The following ARHGEF10 variants were observed in gnomAD, a reference collection of about 807,000 sequenced individuals.
ARHGEF10 encodes the protein Rho guanine nucleotide exchange factor (GEF) 10.
In ARHGEF10, 140 loss-of-function variants were observed where a neutral mutation model predicts 147.4. That is an observed-to-expected ratio of 0.95 (90% CI 0.83 to 1.09). The LOEUF (loss-of-function observed/expected upper bound fraction) is 1.09, where lower values mean the gene tolerates loss of function less well. ARHGEF10 is among the 50% of genes least tolerant of loss of function. The probability of loss-of-function intolerance (pLI) is 0.00; values close to 1 mark genes in which losing one functional copy is unlikely to be tolerated. For missense variants in ARHGEF10, 2,222 were observed against 1,752.7 expected (o/e 1.27, Z -4.78); for synonymous variants, 902 against 695.8 (o/e 1.30, Z -4.67).
chr8:1,923,598 T>C lies in ARHGEF10; in HGVS notation c.2387+3T>C, dbSNP rs371243281. On this transcript the variant is annotated splice_donor_region_variant and intron_variant, in intron 20 of 28. Coordinates refer to ENST00000349830, the MANE Select transcript of ARHGEF10 (RefSeq NM_014629.4). The stretch of plus-strand genomic sequence containing the variant: ...CAGCTTCCCGGGAAGCAGGACAAGT[T>C]AGTAGTAGCTTTAAAACGAAACCTT... 1.1e-5 allele frequency: 17 copies of C among 1,613,954 alleles called. No homozygotes were observed. The highest frequency in any genetic ancestry group is 1.4e-5 in the Non-Finnish European group (16 of 1,180,040).
At chr8:1,951,135 T>C (rs545411237) in intron 27 of ARHGEF10, among the ~76,000 whole-genome samples, 1 of 152,346 alleles carries the variant, frequency 6.6e-6, no homozygotes, top group South Asian at 2.1e-4. Context: ...AAGACAATCA[T>C]GTTTCATGCT....
At chr8:1,896,291 T>C (rs1455181112) in intron 13 of ARHGEF10, 42 bp from the exon 14 acceptor site, 3 of 1,378,734 alleles carry the variant, frequency 2.2e-6, no homozygotes, top group Non-Finnish European at 3.1e-6. Context: ...AAGGGATATC[T>C]GGACTCTGTG....
intron 18 of ARHGEF10, among the ~76,000 whole-genome samples, chr8:1,919,240 T>A (rs1299795799): frequency 7.0e-6 from 1 of 141,890 alleles, no homozygotes; most frequent in East Asian, 2.1e-4. Context: ...AGCTGTTCTG[T>A]CGAGTGATGG....
At chr8:1,939,010 G>A (rs2129253332) in intron 26 of ARHGEF10, among the ~76,000 whole-genome samples, 1 of 139,764 alleles carries the variant, frequency 7.2e-6, no homozygotes, top group Admixed American at 7.7e-5. Context: ...TTGAATACCA[G>A]TCCCCAGAAA....
chr8:1,925,786 G>A (rs1012071005), intron 22 of ARHGEF10, among the ~76,000 whole-genome samples: 15 of 152,178 alleles, frequency 9.9e-5, no homozygotes, highest in African/African-American at 2.2e-4. Context: ...TTGAGGTACC[G>A]TGCCCGCTCT....
rs1810848542 is a variant in ARHGEF10 at position 1,905,840 on chromosome 8, G to A, written c.1967+124G>A. On this transcript the variant is annotated intron_variant, in intron 17 of 28. Coordinates refer to ENST00000349830, the MANE Select transcript of ARHGEF10 (RefSeq NM_014629.4). ...AACTGGTTTTTTGTGCCAAAGCTCTGTCCTGTGACTAAGGGAACCCTTATA... is the reference window on the plus strand; with the variant it reads ...AACTGGTTTTTTGTGCCAAAGCTCTATCCTGTGACTAAGGGAACCCTTATA... 3 of 1,235,818 alleles carry A rather than the reference G, an allele frequency of 2.4e-6. No individual in the cohort carries two copies. The South Asian group carries it at 3.7e-5, about 15-fold the overall frequency. 76.6% of individuals were successfully genotyped at this position (1,235,818 alleles called of 1,614,324 possible).
chr8:1,867,003 C>T lies in ARHGEF10; in HGVS notation c.622+401C>T, dbSNP rs373690130. On this transcript the variant is annotated intron_variant, in intron 6 of 28. Coordinates refer to ENST00000349830, the MANE Select transcript of ARHGEF10 (RefSeq NM_014629.4). ...TCTGGCACCCGTTTTGAAGAGGGGG[C>T]GGGTGGGCCTCCCTTTTTTTTTTTT... 1.7e-3 allele frequency among the ~76,000 whole-genome samples: 253 copies of T among 147,510 alleles called. 2 individuals are homozygous for T. The highest frequency in any genetic ancestry group is 5.7e-3 in the African/African-American group (233 of 40,572).
At position 1,957,127 on chromosome 8, in the gene ARHGEF10, A is replaced by G; in HGVS notation, c.3899A>G (p.Lys1300Arg). ...AGAAGCAAAGCACGCCGGGCCAAGA[A>G]AGCCAAGGCCAGCTCGGCGCTGGTG... ...SLRSKARRAK[K>R]AKASSALVVC... Residue 1300 changes from lysine (K) to arginine (R), a missense_variant, in exon 29 of 29, where the codon AAA (lysine) becomes AGA (arginine). Coordinates refer to ENST00000349830, the MANE Select transcript of ARHGEF10 (RefSeq NM_014629.4). 1 of 1,613,064 alleles carries G rather than the reference A, an allele frequency of 6.2e-7. No homozygotes were observed. The highest frequency in any genetic ancestry group is 8.5e-7 in the Non-Finnish European group (1 of 1,180,032).
intron 2 of ARHGEF10, among the ~76,000 whole-genome samples, chr8:1,845,627 A>G (rs1471524429): frequency 6.6e-6 from 1 of 152,164 alleles, no homozygotes; most frequent in African/African-American, 2.4e-5. Context: ...AGAAGGCGGA[A>G]ACACCGTTTT....
chr8:1,839,474 T>C (rs986940466), intron 1 of ARHGEF10, among the ~76,000 whole-genome samples: 4 of 143,018 alleles, frequency 2.8e-5, no homozygotes, highest in Admixed American at 6.9e-5. Flanking sequence ...GTGGGGACTG[T>C]CTGGTGTGGA....
chr8:1,920,176 C>T (rs557343858), intron 18 of ARHGEF10, among the ~76,000 whole-genome samples: 27 of 151,978 alleles, frequency 1.8e-4, no homozygotes, highest in Admixed American at 5.9e-4. Context: ...GAGATGTTCA[C>T]GTGCATTTAT....
At chr8:1,869,763 G>C in intron 7 of ARHGEF10, 1 of 209,726 alleles carries the variant, frequency 4.8e-6, no homozygotes, top group South Asian at 7.2e-5. Flanking sequence ...AATCTCCCGA[G>C]AGCAACTGGA....
chr8:1,824,600 C>T, intron 1 of ARHGEF10, among the ~76,000 whole-genome samples: 1 of 136,570 alleles, frequency 7.3e-6, no homozygotes, highest in Admixed American at 7.4e-5. Flanking sequence ...CCCCGCCTGT[C>T]CCTCAGCACC....
At chr8:1,838,818 C>T (rs754284240) in intron 1 of ARHGEF10, among the ~76,000 whole-genome samples, 1 of 150,720 alleles carries the variant, frequency 6.6e-6, no homozygotes, top group East Asian at 2.0e-4. Context: ...GCGTGGATGC[C>T]GTCCAGTGTG....
intron 18 of ARHGEF10, among the ~76,000 whole-genome samples, chr8:1,921,976 G>T (rs996686099): frequency 6.6e-6 from 1 of 152,072 alleles, no homozygotes; most frequent in Admixed American, 6.6e-5. Context: ...TATGAGAAGT[G>T]GAAAAGAAGG....
intron 1 of ARHGEF10, among the ~76,000 whole-genome samples, chr8:1,833,041 C>G (rs188813992): frequency 1.9e-4 from 7 of 37,744 alleles, no homozygotes; most frequent in Admixed American, 3.2e-4. Flanking sequence ...CAGAGAGAGA[C>G]AGAGACAGAG....
chr8:1,832,790 AGACAGAGG>A (rs1457758865), intron 1 of ARHGEF10, among the ~76,000 whole-genome samples: 1 of 75,236 alleles, frequency 1.3e-5, no homozygotes, highest in East Asian at 3.3e-4. Context: ...AGACAGAGAG[AGACAGAGG>A]CAGAGGCAGA....
chr8:1,953,677 G>C (rs1444118602), intron 28 of ARHGEF10, among the ~76,000 whole-genome samples: 1 of 152,174 alleles, frequency 6.6e-6, no homozygotes, highest in African/African-American at 2.4e-5. Flanking sequence ...CGTAATGACG[G>C]ATTGGGCCAT....
chr8:1,898,383 GA>G, intron 14 of ARHGEF10, 49 bp from the exon 15 acceptor site: 1 of 1,544,224 alleles, frequency 6.5e-7, no homozygotes, highest in Non-Finnish European at 8.9e-7. Context: ...CAGGGGCAGG[GA>G]GGGCATGGCA....
Sources: allele counts gnomAD v4.1 joint callset (sites outside exome capture counted in the v4.1 genomes callset), GRCh38; gene constraint gnomAD v4.1.1; transcripts MANE v1.5; gene names NCBI Gene and HGNC (gene_info 2026-07-23, HGNC 2026-07-21).